TAB2: variants seen among roughly 807,000 people sequenced by gnomAD.
TAB2 encodes TGF-beta activated kinase 1 (MAP3K7) binding protein 2.
TAB2 carries 3 observed loss-of-function variants against 65.0 expected under a neutral mutation model. The observed-to-expected ratio is 0.05, with a 90% CI of 0.02 to 0.12. The LOEUF (loss-of-function observed/expected upper bound fraction) is 0.12, where lower values mean the gene tolerates loss of function less well. Ranked by LOEUF, TAB2 falls within the 10% of genes least tolerant of loss-of-function variation. TAB2 has a pLI of 1.00. For missense variants in TAB2, 623 were observed against 840.3 expected, an observed-to-expected ratio of 0.74 and a Z score of 3.20; for synonymous variants, 298 against 285.1, an observed-to-expected ratio of 1.05 and a Z score of -0.46.
chr6:149,352,006 C>G (rs1019772820), intron 1 of TAB2, among the ~76,000 whole-genome samples: 9 of 152,116 alleles, frequency 5.9e-5, no homozygotes, highest in African/African-American at 2.2e-4. Context: ...TTATGCCTGT[C>G]TCAGAGTAAC....
intron 1 of TAB2, among the ~76,000 whole-genome samples, chr6:149,326,150 G>A (rs1002416284): frequency 5.9e-5 from 9 of 151,610 alleles, no homozygotes; most frequent in African/African-American, 2.2e-4. Context: ...TAAAATATTG[G>A]TTATACAAAT....
At chr6:149,406,958 C>G (rs1257952300) in intron 6 of TAB2, among the ~76,000 whole-genome samples, 3 of 152,202 alleles carry the variant, frequency 2.0e-5, no homozygotes, top group African/African-American at 7.2e-5. Context: ...CTAAAGTGAT[C>G]CACCCGTCTC....
chr6:149,252,356 C>A (rs560843458), intron 1 of TAB2, among the ~76,000 whole-genome samples: 2 of 149,950 alleles, frequency 1.3e-5, no homozygotes, highest in Non-Finnish European at 3.0e-5. Flanking sequence ...GCTGAGATCA[C>A]GCCATTGCAC....
intron 1 of TAB2, among the ~76,000 whole-genome samples, chr6:149,307,511 T>G (rs1291469224): frequency 6.6e-6 from 1 of 152,182 alleles, no homozygotes; most frequent in Non-Finnish European, 1.5e-5. Context: ...TCTGCTGCCC[T>G]CTCAAGATTT....
chr6:149,290,129 T>C (rs530039960), intron 1 of TAB2, among the ~76,000 whole-genome samples: 7 of 152,326 alleles, frequency 4.6e-5, no homozygotes, highest in South Asian at 2.1e-4. Flanking sequence ...TTAAGTTCTC[T>C]GTGTTGATGT....
At chr6:149,400,290 G>A (rs1334921492) in intron 6 of TAB2, 18 of 1,327,050 alleles carry the variant, frequency 1.4e-5, no homozygotes, top group African/African-American at 1.0e-4. Flanking sequence ...CTCATCCACC[G>A]CTGTCACCTC....
rs994989865 is a variant in TAB2 at position 149,326,523 on chromosome 6, G to A, written c.-90+8508G>A. Among the ~76,000 whole-genome samples the A allele has an allele frequency of 2.7e-5, 4 of 150,186 alleles. No homozygotes were observed. In the East Asian group the frequency reaches 7.8e-4, roughly 29 times the overall value. On this transcript the variant is annotated intron_variant, in intron 1 of 6. Transcript: ENST00000637181. ...CAGAAAGAATTATAAGGTACATGTT[G>A]GTCTTTTCAGCCTTGTGTTTTTGTT... is the stretch of plus-strand genomic sequence containing the variant.
At chr6:149,272,989 G>C (rs1778390472) in intron 1 of TAB2, among the ~76,000 whole-genome samples, 1 of 152,058 alleles carries the variant, frequency 6.6e-6, no homozygotes, top group South Asian at 2.1e-4. Context: ...TGAGGTGAAA[G>C]AGTTTCATCC....
upstream of TAB2, chr6:149,218,209 G>C (rs1777062697): frequency 6.6e-6 from 1 of 152,182 alleles, no homozygotes; most frequent in Non-Finnish European, 1.5e-5. Flanking sequence ...GCCCTCAATG[G>C]CTCTTGTTTG....
At chr6:149,349,419 CAAAAAAAAA>C (rs369838005) in intron 1 of TAB2, among the ~76,000 whole-genome samples, 1 of 81,920 alleles carries the variant, frequency 1.2e-5, no homozygotes, top group African/African-American at 4.9e-5. Context: ...CACTCCGTCT[CAAAAAAAAA>C]AAAAAAAAAG....
At chr6:149,355,013 A>C (rs1780610721) in intron 1 of TAB2, among the ~76,000 whole-genome samples, 1 of 152,224 alleles carries the variant, frequency 6.6e-6, no homozygotes, top group South Asian at 2.1e-4. Context: ...TGCCAAATTG[A>C]CATCTATAGA....
intron 3 of TAB2, among the ~76,000 whole-genome samples, chr6:149,394,782 A>T (rs74526167): frequency 1.3e-5 from 2 of 152,210 alleles, no homozygotes; most frequent in Non-Finnish European, 2.9e-5. Flanking sequence ...TGTCTGTGCT[A>T]TGATAGATCC....
At chr6:149,380,991 C>T (rs867064418) in intron 3 of TAB2, among the ~76,000 whole-genome samples, 3 of 152,184 alleles carry the variant, frequency 2.0e-5, no homozygotes, top group Admixed American at 1.3e-4. Context: ...GCCTGTAGTC[C>T]CAGCTTCTCA....
At chr6:149,402,364 A>G (rs1184603506) in intron 6 of TAB2, among the ~76,000 whole-genome samples, 5 of 152,172 alleles carry the variant, frequency 3.3e-5, no homozygotes, top group Non-Finnish European at 5.9e-5. Context: ...AAAAAAATTG[A>G]TATCACCTAT....
intron 3 of TAB2, among the ~76,000 whole-genome samples, chr6:149,382,672 C>A (rs1028515880): frequency 6.6e-6 from 1 of 151,976 alleles, no homozygotes; most frequent in Non-Finnish European, 1.5e-5. Context: ...GTCTTTCTTT[C>A]CAGATTTTCA....
At chr6:149,399,258 A>C in intron 6 of TAB2, 74 bp downstream of exon 6, 1 of 1,096,562 alleles carries the variant, frequency 9.1e-7, no homozygotes, top group Non-Finnish European at 1.4e-6. Context: ...CCTGTTCAGC[A>C]ACCTTCCTCT....
At chr6:149,359,661 A>G (rs377114293) in intron 1 of TAB2, among the ~76,000 whole-genome samples, 5 of 152,298 alleles carry the variant, frequency 3.3e-5, no homozygotes, top group Admixed American at 2.0e-4. Flanking sequence ...TCTGATAACT[A>G]TATCTCTCTC....
chr6:149,220,609 G>A (rs1440455622), intron 1 of TAB2, among the ~76,000 whole-genome samples: 1 of 152,062 alleles, frequency 6.6e-6, no homozygotes. Flanking sequence ...AATTCAAGTT[G>A]GGTTTTTGAT....
chr6:149,349,078 T>C (rs1780400703), intron 1 of TAB2, among the ~76,000 whole-genome samples: 1 of 151,942 alleles, frequency 6.6e-6, no homozygotes, highest in Non-Finnish European at 1.5e-5. Context: ...AGACCTAAAG[T>C]TTGCTTATGG....
Sources: allele counts gnomAD v4.1 joint callset (sites outside exome capture counted in the v4.1 genomes callset), GRCh38; gene constraint gnomAD v4.1.1; transcripts MANE v1.5; gene names NCBI Gene and HGNC (gene_info 2026-07-23, HGNC 2026-07-21).